The following EEFSEC variants were observed in gnomAD, a reference collection of about 807,000 sequenced individuals.
EEFSEC encodes selenocysteine-specific elongation factor.
Under a neutral mutation model 42.1 loss-of-function variants are expected in EEFSEC, and 43 were observed. The observed-to-expected ratio is 1.02, with a 90% CI of 0.80 to 1.32. The LOEUF (loss-of-function observed/expected upper bound fraction) is 1.32. EEFSEC is among the 40% of genes most tolerant of loss of function. The pLI, the probability that EEFSEC is intolerant of heterozygous loss-of-function variation, is 0.00. For synonymous variants in EEFSEC, 354 were observed against 339.1 expected, an observed-to-expected ratio of 1.04 and a Z score of -0.48; for missense variants, 745 against 803.6, an observed-to-expected ratio of 0.93 and a Z score of 0.88.
intron 6 of EEFSEC, among the ~76,000 whole-genome samples, chr3:128,384,804 C>G (rs1418996528): frequency 1.3e-5 from 2 of 152,214 alleles, no homozygotes; most frequent in East Asian, 3.8e-4. Context: ...CTCCTCCTCA[C>G]TGTCTGCCAA....
chr3:128,180,479 G>C (rs993171600), intron 1 of EEFSEC, among the ~76,000 whole-genome samples: 10 of 152,256 alleles, frequency 6.6e-5, no homozygotes, highest in African/African-American at 2.4e-4. Context: ...ACAAGTGGCT[G>C]TGCAGTCTTG....
chr3:128,195,678 T>C (rs1264431711), intron 1 of EEFSEC, among the ~76,000 whole-genome samples: 2 of 152,206 alleles, frequency 1.3e-5, no homozygotes, highest in East Asian at 1.9e-4. Flanking sequence ...CATAAGTGTT[T>C]CCCTCTGTCA....
intron 4 of EEFSEC, among the ~76,000 whole-genome samples, chr3:128,306,201 C>T (rs2037965): frequency 0.83 from 126,111 of 152,166 alleles, 52,957 homozygotes; most frequent in East Asian, 0.99. Flanking sequence ...AATGATCCAA[C>T]GGCTTTTAAA....
the EEFSEC span, among the ~76,000 whole-genome samples, chr3:128,417,576 A>AT: frequency 3.9e-5 from 6 of 151,944 alleles, no homozygotes; most frequent in Non-Finnish European, 8.8e-5. The surrounding 1 kb of genome is among the most constrained non-coding windows in gnomAD (Gnocchi z 4.3). Flanking sequence ...CAGTGTTCCC[A>AT]TGGGAAGGGG....
intron 1 of EEFSEC, among the ~76,000 whole-genome samples, chr3:128,155,542 A>G (rs1944364174): frequency 6.6e-6 from 1 of 152,236 alleles, no homozygotes; most frequent in Non-Finnish European, 1.5e-5. Flanking sequence ...CACATGGTAT[A>G]AAAGGGTATA....
chr3:128,384,784 T>C (rs548409650), intron 6 of EEFSEC, among the ~76,000 whole-genome samples: 3 of 152,312 alleles, frequency 2.0e-5, no homozygotes, highest in Admixed American at 2.0e-4. Flanking sequence ...CACAGGGGTT[T>C]CCTCACTGAC....
In EEFSEC at chr3:128,171,991, T is replaced by A. The variant is rs535354298; in HGVS notation, c.316+18168T>A. On this transcript the variant is annotated intron_variant, in intron 1 of 6. Transcript: ENST00000254730. ...ATTTAAATATATGGGAGGATATGCATAAGTTATATGAAAATACTCTGTCAT... is the reference window on the plus strand; with the variant it reads ...ATTTAAATATATGGGAGGATATGCAAAAGTTATATGAAAATACTCTGTCAT... Among the ~76,000 whole-genome samples the A allele has an allele frequency of 1.1e-4, 17 of 152,322 alleles. No homozygotes were observed. In the South Asian group the frequency reaches 1.2e-3, roughly 11 times the overall value.
intron 5 of EEFSEC, 32 bp from the exon 6 acceptor site, chr3:128,358,184 GC>G: frequency 1.2e-6 from 2 of 1,609,298 alleles, no homozygotes; most frequent in Non-Finnish European, 1.7e-6. Flanking sequence ...CACCACTAAT[GC>G]CCTCTCTCTG....
chr3:128,399,925 C>T (rs1362101119), intron 6 of EEFSEC, among the ~76,000 whole-genome samples: 1 of 152,214 alleles, frequency 6.6e-6, no homozygotes, highest in African/African-American at 2.4e-5. Context: ...AGCTGCACCA[C>T]AACTGCCAGG....
At chr3:128,291,517 T>G (rs2066643846) in intron 4 of EEFSEC, among the ~76,000 whole-genome samples, 1 of 152,236 alleles carries the variant, frequency 6.6e-6, no homozygotes, top group Non-Finnish European at 1.5e-5. Flanking sequence ...ACCTTGATAT[T>G]GGAATTCTCA....
intron 4 of EEFSEC, among the ~76,000 whole-genome samples, chr3:128,320,133 C>G (rs1004883636): frequency 4.6e-5 from 7 of 152,360 alleles, no homozygotes; most frequent in Non-Finnish European, 1.0e-4. Flanking sequence ...GTAGTTGCAA[C>G]AGAGGTTGTG....
At chr3:128,262,327 G>A in intron 3 of EEFSEC, 103 bp downstream of exon 3, 2 of 1,029,640 alleles carry the variant, frequency 1.9e-6, no homozygotes, top group Non-Finnish European at 2.9e-6. Context: ...GGCAGCCCTA[G>A]CAAGAGGACT....
Position 128,177,774 on chromosome 3 carries a change from C to T in EEFSEC, c.316+23951C>T, listed in dbSNP as rs114309757. On this transcript the variant is annotated intron_variant, in intron 1 of 6. Coordinates refer to ENST00000254730, the MANE Select transcript of EEFSEC (RefSeq NM_021937.5). ...TGAGTTTTTTTGAAACTTGGAGATA[C>T]TCATTTTTGTCAAATTTGTCTTGAA... 5.5e-3 allele frequency among the ~76,000 whole-genome samples: 841 copies of T among 152,272 alleles called. 11 individuals are homozygous for T. Among genetic ancestry groups the T allele is most frequent in the African/African-American group, 0.019 (794 of 41,556 alleles).
At chr3:128,377,858 A>G (rs866599174) in intron 6 of EEFSEC, among the ~76,000 whole-genome samples, 1 of 152,098 alleles carries the variant, frequency 6.6e-6, no homozygotes, top group African/African-American at 2.4e-5. Flanking sequence ...TCTGTTCTCT[A>G]CCCCTCACCA....
intron 4 of EEFSEC, among the ~76,000 whole-genome samples, chr3:128,293,355 C>T (rs1012266389): frequency 2.0e-5 from 3 of 152,158 alleles, no homozygotes; most frequent in Non-Finnish European, 4.4e-5. Flanking sequence ...CCTTCTTTTG[C>T]TAATTTTCTG....
At chr3:128,304,906 G>A (rs2066810216) in intron 4 of EEFSEC, among the ~76,000 whole-genome samples, 1 of 152,068 alleles carries the variant, frequency 6.6e-6, no homozygotes, top group African/African-American at 2.4e-5. Context: ...GTTTCACCAT[G>A]TTGCCCAAGC....
chr3:128,163,576 ACTAAGTGAACACTCAG>A (rs2065213043), intron 1 of EEFSEC, among the ~76,000 whole-genome samples: 1 of 151,878 alleles, frequency 6.6e-6, no homozygotes, highest in Non-Finnish European at 1.5e-5. Context: ...CTGAGTGTAC[ACTAAGTGAACACTCAG>A]TGGTTTTCAC....
chr3:128,210,213 CAAACAG>C (rs1438318663), intron 1 of EEFSEC, among the ~76,000 whole-genome samples: 4 of 152,188 alleles, frequency 2.6e-5, no homozygotes, highest in Non-Finnish European at 2.9e-5. Context: ...GACTGGGGGA[CAAACAG>C]AGAAGGGGGT....
intron 5 of EEFSEC, among the ~76,000 whole-genome samples, chr3:128,343,025 C>T (rs1048988929): frequency 4.6e-5 from 7 of 152,210 alleles, no homozygotes; most frequent in Non-Finnish European, 7.3e-5. Flanking sequence ...TTAAAGAGCA[C>T]GGAGTGCTGG....
Sources: allele counts gnomAD v4.1 joint callset (sites outside exome capture counted in the v4.1 genomes callset), GRCh38; gene constraint gnomAD v4.1.1; non-coding constraint Gnocchi (gnomAD v3.1); transcripts MANE v1.5; gene names NCBI Gene and HGNC (gene_info 2026-07-23, HGNC 2026-07-21).